SEMA3G: variants seen among roughly 807,000 people sequenced by gnomAD.
The protein encoded by SEMA3G is semaphorin-3G.
SEMA3G carries 70 observed loss-of-function variants against 86.2 expected under a neutral mutation model. That is an observed-to-expected ratio of 0.81 (90% CI 0.67 to 0.99). The LOEUF is 0.99. SEMA3G is among the 50% of genes least tolerant of loss of function. SEMA3G has a pLI of 0.00. For synonymous variants in SEMA3G, 416 were observed against 441.4 expected (o/e 0.94, Z 0.72); for missense variants, 1,002 against 1,072.4 (o/e 0.93, Z 0.92).
chr3:52,435,516 C>G lies in SEMA3G; in HGVS notation c.*87G>C, dbSNP rs1706028402. ...TAAGAGGCAAACAGACATCCTGACC[C>G]CTCTGCCCTAGCTGGGTGGGTGGGA... On this transcript the variant is annotated 3_prime_UTR_variant, in exon 16 of 16. Transcript: ENST00000231721. The G allele has an allele frequency of 2.3e-6, 3 of 1,298,932 alleles. No individual in the cohort carries two copies. The South Asian group carries it at 4.0e-5, about 18-fold the overall frequency. The allele number at this position is 1,298,932 out of a possible 1,614,324, so 80.5% of individuals were successfully genotyped here. A position where few individuals can be genotyped will look rare whatever the true frequency, so the allele number is the denominator to read the frequency against.
At position 52,441,999 on chromosome 3, in the gene SEMA3G, A is replaced by G. The variant is rs553025986; in HGVS notation, c.460-90T>C. On this transcript the variant is annotated intron_variant, in intron 4 of 15. Transcript: ENST00000231721. ...CAAGCAGGAGCCCTCGCGTGCGGCCAGAGAGCGGGGGTGGGCGGAAGGCGT... is the reference window on the plus strand; with the variant it reads ...CAAGCAGGAGCCCTCGCGTGCGGCCGGAGAGCGGGGGTGGGCGGAAGGCGT... 1.1e-5 allele frequency: 15 copies of G among 1,334,458 alleles called. No homozygotes were observed. The African/African-American group carries it at 1.9e-4, about 17-fold the overall frequency. The allele number at this position is 1,334,458 out of a possible 1,614,324, so 82.7% of individuals were successfully genotyped here.
Position 52,435,630 on chromosome 3 carries a change from C to G in SEMA3G, c.2322G>C (p.Arg774=). The G allele has an allele frequency of 6.2e-7, 1 of 1,613,502 alleles. No individual in the cohort carries two copies. Among genetic ancestry groups the G allele is most frequent in the Non-Finnish European group, 8.5e-7 (1 of 1,179,700 alleles). Residue 774 remains arginine, a synonymous_variant, in exon 16 of 16, where the codon CGG becomes CGC. Transcript: ENST00000231721. ...MKSRVHAEHN[R]TPREVEAT Reference sequence around the variant, plus strand: ...ACGTGGCCTCCACCTCCCGGGGCGTCCGATTGTGCTCGGCATGCACCCGGC... The same window carrying G: ...ACGTGGCCTCCACCTCCCGGGGCGTGCGATTGTGCTCGGCATGCACCCGGC...
intron 15 of SEMA3G, 47 bp downstream of exon 15, chr3:52,437,480 T>G (rs775702132): frequency 1.9e-6 from 3 of 1,561,008 alleles, no homozygotes; most frequent in African/African-American, 2.7e-5. Flanking sequence ...GGATGGGAGG[T>G]GACCTCAGGA....
intron 13 of SEMA3G, chr3:52,438,531 GC>G (rs1284244781): frequency 1.0e-6 from 1 of 985,456 alleles, no homozygotes; most frequent in Non-Finnish European, 1.2e-6. Flanking sequence ...CTTGCTTTAA[GC>G]AACCCTTGCA....
Position 52,437,582 on chromosome 3 carries a change from G to C in SEMA3G, c.1823C>G (p.Pro608Arg), listed in dbSNP as rs1272878489. 2 of 1,613,216 alleles carry C rather than the reference G, an allele frequency of 1.2e-6. No homozygotes were observed. The highest frequency in any genetic ancestry group is 1.3e-5 in the African/African-American group (1 of 75,026). ...CAAGAGCCAGCGCACAGCAGCCTGG[G>C]GAGACTTGGGCAGGCACTCCAGGAA... is the stretch of plus-strand genomic sequence containing the variant. ...STFLECLPKSPQAAVRWLLQR... is the reference protein window; with the variant it reads ...STFLECLPKSRQAAVRWLLQR... The change falls in exon 15 of 16, where the codon CCC (proline) becomes CGC (arginine). Residue 608 changes from proline to arginine, a missense_variant. Coordinates refer to ENST00000231721, the MANE Select transcript of SEMA3G (RefSeq NM_020163.3).
chr3:52,443,605 T>C (rs1706202642), intron 1 of SEMA3G, among the ~76,000 whole-genome samples: 1 of 152,044 alleles, frequency 6.6e-6, no homozygotes. Flanking sequence ...CTGGCCACCT[T>C]TGGGAAGGCC....
rs1186100179 is a variant in SEMA3G, at chr3:52,434,556, G to T, written c.*1047C>A. ...CTGGGTCCCACAATCTATCCTAAGG[G>T]TCTCCTGCCCTCTATCCATCTCCAT... On this transcript the variant is annotated 3_prime_UTR_variant, in exon 16 of 16. Coordinates refer to ENST00000231721, the MANE Select transcript of SEMA3G (RefSeq NM_020163.3). This position sits in a 1 kb window ranked among gnomAD's most constrained non-coding sequence, Gnocchi z 5.2. 1 of 152,122 alleles carries T rather than the reference G, an allele frequency of 6.6e-6. No individual in the cohort carries two copies. The highest frequency in any genetic ancestry group is 1.5e-5 in the Non-Finnish European group (1 of 68,030). The allele number at this position is 152,122 out of a possible 1,614,324, so 9.4% of individuals were successfully genotyped here. A position where few individuals can be genotyped will look rare whatever the true frequency, so the allele number is the denominator to read the frequency against.
rs1390579597 is a variant in SEMA3G at position 52,433,924 on chromosome 3, G to C, written c.*1679C>G. 1 of 152,212 alleles carries C rather than the reference G, an allele frequency of 6.6e-6. No individual in the cohort carries two copies. The highest frequency in any genetic ancestry group is 1.5e-5 in the Non-Finnish European group (1 of 68,084). The allele number at this position is 152,212 out of a possible 1,614,324, so 9.4% of individuals were successfully genotyped here. On this transcript the variant is annotated 3_prime_UTR_variant, in exon 16 of 16. Transcript: ENST00000231721. The stretch of plus-strand genomic sequence containing the variant: ...CACCGCAGGCTGGAAGGCTTCTCAG[G>C]GCGTTGATAGGTTAATCTCAGTGCT...
intron 10 of SEMA3G, 66 bp from the exon 11 acceptor site, chr3:52,440,164 C>A: frequency 7.3e-7 from 1 of 1,362,698 alleles, no homozygotes; most frequent in South Asian, 1.4e-5. Context: ...CACCGCCAGT[C>A]TGTTTCCACC....
At chr3:52,437,464 G>T in intron 15 of SEMA3G, 63 bp downstream of exon 15, 1 of 1,507,874 alleles carries the variant, frequency 6.6e-7, no homozygotes, top group Non-Finnish European at 9.0e-7. Context: ...CAGGTCTTGG[G>T]GTTCAGGATG....
chr3:52,436,526 GC>G (rs1481622153), intron 15 of SEMA3G, among the ~76,000 whole-genome samples: 1 of 152,230 alleles, frequency 6.6e-6, no homozygotes, highest in East Asian at 1.9e-4. Context: ...ATGTGCGTGT[GC>G]CCACGCACAC....
rs770513257 is a variant in SEMA3G at position 52,440,777 on chromosome 3, C to T, written c.975G>A (p.Val325=). 7 of 1,613,114 alleles carry T rather than the reference C, an allele frequency of 4.3e-6. No homozygotes were observed. Among genetic ancestry groups the T allele is most frequent in the East Asian group, 2.2e-5 (1 of 44,884 alleles). ...LWPKAGKSLE[V]YALFSTVSAV... is the part of the protein sequence containing the mutation. Reference sequence around the variant, plus strand: ...ACCTGACGGTGCTGAACAGCGCGTACACCTCGAGGCTCTTCCCGGCCTTGG... The same window carrying T: ...ACCTGACGGTGCTGAACAGCGCGTATACCTCGAGGCTCTTCCCGGCCTTGG... The change falls in exon 9 of 16, where the codon GTG becomes GTA. Residue 325 remains valine (V), a synonymous_variant. Transcript: ENST00000231721.
In SEMA3G at chr3:52,437,996, C is replaced by A; in HGVS notation, c.1713G>T (p.Leu571=). 1 of 1,612,698 alleles carries A rather than the reference C, an allele frequency of 6.2e-7. No individual in the cohort carries two copies. Among genetic ancestry groups the A allele is most frequent in the Non-Finnish European group, 8.5e-7 (1 of 1,179,896 alleles). The part of the protein sequence containing the change: ...RQDIRHGNPA[L]QCLGQSQEEE... ...CTTCCTGGCTCTGGCCCAGGCACTG[C>A]AGGGCAGGGTTGCCGTGCCGGATGT... Residue 571 remains leucine (L), a synonymous_variant, in exon 14 of 16, where the codon CTG becomes CTT. Coordinates refer to ENST00000231721, the MANE Select transcript of SEMA3G (RefSeq NM_020163.3).
chr3:52,435,335 T>G lies in SEMA3G; in HGVS notation c.*268A>C, dbSNP rs1275311309. The stretch of plus-strand genomic sequence containing the variant: ...TGTGTTGCGGAAGCCAGGCCATCTC[T>G]GAGAACAAATGGCAGATCCCTTGGG... On this transcript the variant is annotated 3_prime_UTR_variant, in exon 16 of 16. Transcript: ENST00000231721. 2.0e-6 allele frequency: 1 copy of G among 512,050 alleles called. No individual in the cohort carries two copies. Among genetic ancestry groups the G allele is most frequent in the Non-Finnish European group, 3.5e-6 (1 of 286,400 alleles). The allele number at this position is 512,050 out of a possible 1,614,324, so 31.7% of individuals were successfully genotyped here.
intron 1 of SEMA3G, 54 bp downstream of exon 1, chr3:52,444,859 G>T: frequency 8.1e-7 from 1 of 1,228,908 alleles, no homozygotes; most frequent in Non-Finnish European, 1.0e-6. Context: ...CAAACAGAGC[G>T]CACACACACA....
chr3:52,440,032 C>G lies in SEMA3G; in HGVS notation c.1210G>C (p.Val404Leu), dbSNP rs139202784. 1.2e-4 allele frequency: 187 copies of G among 1,611,634 alleles called. 2 individuals are homozygous for G. The highest frequency in any genetic ancestry group is 5.0e-4 in the Middle Eastern group (3 of 6,058). The change falls in exon 11 of 16, where the codon GTG becomes CTG. Residue 404 changes from valine to leucine, a missense_variant. Val to Leu is a conservative substitution (Grantham distance 32). Coordinates refer to ENST00000231721, the MANE Select transcript of SEMA3G (RefSeq NM_020163.3). Reference protein sequence around the residue: ...FGSTKDYPDEVLQFARAHPLM... With the variant: ...FGSTKDYPDELLQFARAHPLM... ...GGGTGGGCTCGGGCAAACTGCAGCACCTCATCTGGGTAGTCCTTGGTGCTG... is the reference window on the plus strand; with the variant it reads ...GGGTGGGCTCGGGCAAACTGCAGCAGCTCATCTGGGTAGTCCTTGGTGCTG...
chr3:52,435,620 C>T lies in SEMA3G; in HGVS notation c.2332G>A (p.Glu778Lys), dbSNP rs559321153. ...GCCCCCTTCTACGTGGCCTCCACCT[C>T]CCGGGGCGTCCGATTGTGCTCGGCA... ...VHAEHNRTPR[E>K]VEAT is the part of the protein sequence containing the mutation. Residue 778 changes from glutamate to lysine, a missense_variant, in exon 16 of 16, where the codon GAG (glutamate) becomes AAG (lysine). By Grantham distance (56) the Glu-to-Lys change is moderately conservative (BLOSUM62 1). Coordinates refer to ENST00000231721, the MANE Select transcript of SEMA3G (RefSeq NM_020163.3). 8.1e-6 allele frequency: 13 copies of T among 1,612,654 alleles called. No individual in the cohort carries two copies. The highest frequency in any genetic ancestry group is 3.3e-4 in the Middle Eastern group (2 of 6,010).
rs769897094 is a variant in SEMA3G, at chr3:52,435,776, A to G, written c.2176T>C (p.Cys726Arg). 1.2e-6 allele frequency: 2 copies of G among 1,614,080 alleles called. No individual in the cohort carries two copies. The highest frequency in any genetic ancestry group is 1.7e-6 in the Non-Finnish European group (2 of 1,180,018). The change falls in exon 16 of 16, where the codon TGT (cysteine) becomes CGT (arginine). Residue 726 changes from cysteine to arginine, a missense_variant. By Grantham distance (180) the Cys-to-Arg change is radical (BLOSUM62 -3). Transcript: ENST00000231721. ...GTGCCCCTGCACCACACGCGCTCAC[A>G]GTACTCATCCACCCGGGGCAGGTTG... Reference protein sequence around the residue: ...FANLPRVDEYCERVWCRGTTE... With the variant: ...FANLPRVDEYRERVWCRGTTE...
rs758257567 is a variant in SEMA3G at position 52,435,682 on chromosome 3, C to G, written c.2270G>C (p.Gly757Ala). The change falls in exon 16 of 16, where the codon GGG becomes GCG. Residue 757 changes from glycine to alanine, a missense_variant. Gly to Ala is a moderately conservative substitution (Grantham distance 60). Transcript: ENST00000231721. ...GKQARGKSWA[G>A]LELGKKMKSR... ...CTTCATCTTCTTGCCTAGCTCCAGCCCTGCCCAGCTCTTGCCCCTGGCCTG... is the reference window on the plus strand; with the variant it reads ...CTTCATCTTCTTGCCTAGCTCCAGCGCTGCCCAGCTCTTGCCCCTGGCCTG... 2.5e-6 allele frequency: 4 copies of G among 1,613,996 alleles called. No homozygotes were observed. The highest frequency in any genetic ancestry group is 1.1e-5 in the South Asian group (1 of 91,086).
Sources: allele counts gnomAD v4.1 joint callset (sites outside exome capture counted in the v4.1 genomes callset), GRCh38; gene constraint gnomAD v4.1.1; non-coding constraint Gnocchi (gnomAD v3.1); transcripts MANE v1.5; gene names NCBI Gene and HGNC (gene_info 2026-07-23, HGNC 2026-07-21).